Variants in GABRA3 observed in about 807,000 individuals in gnomAD.
GABRA3 encodes gamma-aminobutyric acid type A receptor subunit alpha3.
A neutral mutation model predicts 30.1 loss-of-function variants in GABRA3; 10 were observed. That is an observed-to-expected ratio of 0.33 (90% CI 0.20 to 0.56). The LOEUF is 0.56. GABRA3 is among the 20% of genes least tolerant of loss of function. The probability of loss-of-function intolerance (pLI) is 0.89; values close to 1 mark genes in which losing one functional copy is unlikely to be tolerated. For synonymous variants in GABRA3, 151 were observed against 146.8 expected (o/e 1.03, Z -0.21); for missense variants, 233 against 392.0 (o/e 0.59, Z 3.42).
intron 1 of GABRA3, among the ~76,000 whole-genome samples, chrX:152,448,351 C>T (rs1486694172): frequency 8.9e-6 from 1 of 112,365 alleles, no homozygotes; most frequent in Non-Finnish European, 1.9e-5. Flanking sequence ...CTAACGATTT[C>T]CGAAGCCTCT....
chrX:152,355,886 T>C (rs1012650619), intron 2 of GABRA3, among the ~76,000 whole-genome samples: 3 of 111,825 alleles, frequency 2.7e-5, no homozygotes, highest in African/African-American at 9.7e-5. Flanking sequence ...TTATATGAAG[T>C]TGAAATTACT....
intron 4 of GABRA3, among the ~76,000 whole-genome samples, chrX:152,277,065 T>C (rs780874905): frequency 2.7e-5 from 3 of 111,763 alleles, no homozygotes; most frequent in African/African-American, 3.2e-5. Context: ...ATCATATCTA[T>C]TTTTTCTCTA....
intron 6 of GABRA3, among the ~76,000 whole-genome samples, chrX:152,213,923 CT>C (rs760097922): frequency 3.6e-5 from 4 of 109,980 alleles, no homozygotes; most frequent in South Asian, 7.8e-4. Context: ...TTCTCTATTC[CT>C]TTTTTTTTAT....
chrX:152,449,125 A>C (rs1224127648), intron 1 of GABRA3, among the ~76,000 whole-genome samples: 1 of 112,380 alleles, frequency 8.9e-6, no homozygotes, highest in Non-Finnish European at 1.9e-5. Context: ...TCTTCAACTA[A>C]CTGAAGAACT....
intron 3 of GABRA3, among the ~76,000 whole-genome samples, chrX:152,315,473 A>G (rs1373095903): frequency 9.0e-6 from 1 of 110,933 alleles, no homozygotes; most frequent in Non-Finnish European, 1.9e-5. Flanking sequence ...CTTTGTAACA[A>G]TTCCATCCAA....
chrX:152,447,511 C>T (rs1323504433), intron 1 of GABRA3, among the ~76,000 whole-genome samples: 1 of 111,662 alleles, frequency 9.0e-6, no homozygotes, highest in Non-Finnish European at 1.9e-5. Flanking sequence ...TCAAATGGTT[C>T]ATTCATTTAT....
chrX:152,360,081 G>C (rs750418185), intron 2 of GABRA3, among the ~76,000 whole-genome samples: 66 of 93,007 alleles, frequency 7.1e-4, no homozygotes, highest in African/African-American at 2.4e-3. Flanking sequence ...GGACATTTGG[G>C]TTGGTTCCAA....
At chrX:152,368,816 C>G (rs1045784748) in intron 1 of GABRA3, among the ~76,000 whole-genome samples, 23 of 104,287 alleles carry the variant, frequency 2.2e-4, no homozygotes, top group Non-Finnish European at 1.2e-4. Context: ...CACCATTCTC[C>G]TGCCTCAGCC....
chrX:152,208,156 A>G lies in GABRA3; in HGVS notation c.635-12T>C, dbSNP rs200156337. On this transcript the variant is annotated splice_polypyrimidine_tract_variant and intron_variant, in intron 6 of 9. Transcript: ENST00000370314. ...TGTTGTATAGGCATCTAAGGCAGAG[A>G]AGGGTCAATAAAGAGAAGTTGAAGG... 5 of 1,200,783 alleles carry G rather than the reference A, an allele frequency of 4.2e-6. No homozygotes were observed. Among genetic ancestry groups the G allele is most frequent in the Non-Finnish European group, 5.6e-6 (5 of 889,079 alleles).
At position 152,433,459 on chromosome X, in the gene GABRA3, G is replaced by C. The variant is rs1281935208; in HGVS notation, c.-27+17687C>G. Among the ~76,000 whole-genome samples the C allele has an allele frequency of 2.8e-5, 3 of 108,282 alleles. No individual in the cohort carries two copies. The East Asian group carries it at 8.7e-4, about 31-fold the overall frequency. 94.0% of individuals were successfully genotyped at this position (108,282 alleles called of 115,157 possible). On this transcript the variant is annotated intron_variant, in intron 1 of 9. Transcript: ENST00000370314. ...AAGACCAACTTACAGATATCAATTAGAAAATATAATAGAAAAAACAGCCAC... is the reference window on the plus strand; with the variant it reads ...AAGACCAACTTACAGATATCAATTACAAAATATAATAGAAAAAACAGCCAC...
At chrX:152,350,169 A>G (rs1339657108) in intron 2 of GABRA3, among the ~76,000 whole-genome samples, 1 of 106,139 alleles carries the variant, frequency 9.4e-6, no homozygotes, top group Non-Finnish European at 1.9e-5. Flanking sequence ...AAACCGCTCA[A>G]TTACATGGAA....
intron 4 of GABRA3, among the ~76,000 whole-genome samples, chrX:152,278,163 G>A (rs1428918361): frequency 9.0e-6 from 1 of 110,980 alleles, no homozygotes; most frequent in Non-Finnish European, 1.9e-5. Flanking sequence ...CAATGTGCAG[G>A]TTTGTTACAT....
intron 3 of GABRA3, among the ~76,000 whole-genome samples, chrX:152,327,828 A>G (rs1940089720): frequency 8.9e-6 from 1 of 111,914 alleles, no homozygotes; most frequent in Non-Finnish European, 1.9e-5. Context: ...AAAAGCTAGC[A>G]GAAGGCAAGA....
intron 9 of GABRA3, among the ~76,000 whole-genome samples, chrX:152,177,175 A>C (rs1322029003): frequency 1.8e-5 from 2 of 111,921 alleles, no homozygotes; most frequent in Non-Finnish European, 3.8e-5. Context: ...TCTGCCAAGC[A>C]GGAAGGCAGT....
At chrX:152,240,503 G>C (rs1307140500) in intron 5 of GABRA3, among the ~76,000 whole-genome samples, 14 of 88,219 alleles carry the variant, frequency 1.6e-4, no homozygotes, top group Non-Finnish European at 2.7e-4. Context: ...GAGTATCTTT[G>C]TGGTGTTCTC....
chrX:152,396,472 C>G, intron 1 of GABRA3, among the ~76,000 whole-genome samples: 1 of 111,691 alleles, frequency 9.0e-6, no homozygotes, highest in Non-Finnish European at 1.9e-5. Flanking sequence ...GTATAAATAT[C>G]TCCCCCTGTA....
rs758814632 is a variant in GABRA3, at chrX:152,437,189, C to A, written c.-27+13957G>T. On this transcript the variant is annotated intron_variant, in intron 1 of 9. Coordinates refer to ENST00000370314, the MANE Select transcript of GABRA3 (RefSeq NM_000808.4). Reference sequence around the variant, plus strand: ...TGACAAGGCAGGATACAAGACTAATCTTCAAAAGTCAATAGCATTCCTATA... The same window carrying A: ...TGACAAGGCAGGATACAAGACTAATATTCAAAAGTCAATAGCATTCCTATA... Among the ~76,000 whole-genome samples the A allele has an allele frequency of 8.9e-5, 10 of 111,795 alleles. No individual in the cohort carries two copies. In the South Asian group the frequency reaches 2.9e-3, roughly 33 times the overall value.
intron 1 of GABRA3, among the ~76,000 whole-genome samples, chrX:152,377,627 A>C (rs1929030788): frequency 9.0e-6 from 1 of 111,535 alleles, no homozygotes; most frequent in Non-Finnish European, 1.9e-5. Context: ...AGAGAAAAAA[A>C]AACAACCTAA....
At chrX:152,349,536 T>A in intron 2 of GABRA3, among the ~76,000 whole-genome samples, 1 of 109,515 alleles carries the variant, frequency 9.1e-6, no homozygotes, top group Non-Finnish European at 1.9e-5. Context: ...TCAAGACCCA[T>A]GAGTGTGCTG....
Sources: allele counts gnomAD v4.1 joint callset (sites outside exome capture counted in the v4.1 genomes callset), GRCh38; gene constraint gnomAD v4.1.1; transcripts MANE v1.5; gene names NCBI Gene and HGNC (gene_info 2026-07-23, HGNC 2026-07-21).